Variants in SAMD3 observed in about 807,000 individuals in gnomAD.
The protein encoded by SAMD3 is sterile alpha motif domain-containing protein 3.
In SAMD3, 63 loss-of-function variants were observed where a neutral mutation model predicts 58.5. The observed-to-expected ratio is 1.08, with a 90% CI of 0.88 to 1.33. The LOEUF is 1.33. Ranked by LOEUF, SAMD3 falls within the 40% of genes most tolerant of loss-of-function variation. SAMD3 has a pLI of 0.00. For missense variants in SAMD3, 604 were observed against 608.4 expected (o/e 0.99, Z 0.08); for synonymous variants, 220 against 210.3 (o/e 1.05, Z -0.40).
intron 4 of SAMD3, among the ~76,000 whole-genome samples, chr6:130,213,848 CAT>C (rs1301192845): frequency 8.5e-5 from 13 of 152,218 alleles, no homozygotes; most frequent in South Asian, 2.1e-4. Flanking sequence ...TTAGAATACT[CAT>C]GTGACAATAA....
chr6:130,222,958 C>T (rs1479635744), upstream of SAMD3: 2 of 152,156 alleles, frequency 1.3e-5, no homozygotes, highest in African/African-American at 2.4e-5. Flanking sequence ...GACTGGGAGC[C>T]TCACAGTACA....
At chr6:130,213,747 T>G (rs550221065) in intron 4 of SAMD3, among the ~76,000 whole-genome samples, 34 of 152,272 alleles carry the variant, frequency 2.2e-4, no homozygotes, top group African/African-American at 7.7e-4. Context: ...GTCCCCAAAC[T>G]TCAGAGCTTT....
chr6:130,205,835 T>C (rs1795039218), intron 5 of SAMD3, among the ~76,000 whole-genome samples: 1 of 152,200 alleles, frequency 6.6e-6, no homozygotes, highest in Admixed American at 6.5e-5. Context: ...GCCTGGAATG[T>C]CACCAGAGGC....
intron 1 of SAMD3, among the ~76,000 whole-genome samples, chr6:130,360,454 A>G (rs1260102035): frequency 1.3e-5 from 2 of 152,196 alleles, no homozygotes; most frequent in South Asian, 2.1e-4. Flanking sequence ...ATGTCCCACA[A>G]GCCACAAAAC....
intron 1 of SAMD3, among the ~76,000 whole-genome samples, chr6:130,340,487 T>A (rs773218199): frequency 6.6e-6 from 1 of 152,194 alleles, no homozygotes; most frequent in Non-Finnish European, 1.5e-5. Flanking sequence ...GTCAGCTGAT[T>A]AGCAAACCTA....
At chr6:130,359,926 A>G (rs1329664684) in intron 1 of SAMD3, among the ~76,000 whole-genome samples, 1 of 152,212 alleles carries the variant, frequency 6.6e-6, no homozygotes, top group Non-Finnish European at 1.5e-5. Context: ...TGAGTGCTAA[A>G]TAAGTACTGA....
chr6:130,179,735 T>C (rs1206975457), intron 7 of SAMD3, among the ~76,000 whole-genome samples: 2 of 151,920 alleles, frequency 1.3e-5, no homozygotes, highest in African/African-American at 2.4e-5. Flanking sequence ...GGATTGTATA[T>C]GATATTATGC....
At chr6:130,355,400 G>A (rs925167638) in intron 1 of SAMD3, among the ~76,000 whole-genome samples, 3 of 152,106 alleles carry the variant, frequency 2.0e-5, no homozygotes, top group Non-Finnish European at 4.4e-5. Context: ...CTCCAGCCTA[G>A]GTGACAGAGT....
At chr6:130,266,078 C>G (rs1442339257) in intron 2 of SAMD3, among the ~76,000 whole-genome samples, 1 of 152,060 alleles carries the variant, frequency 6.6e-6, no homozygotes, top group African/African-American at 2.4e-5. Context: ...CCCCTTAATC[C>G]TCGCTAGAAA....
At chr6:130,164,116 CT>C (rs1439108480) in intron 8 of SAMD3, among the ~76,000 whole-genome samples, 1 of 150,724 alleles carries the variant, frequency 6.6e-6, no homozygotes, top group Non-Finnish European at 1.5e-5. Flanking sequence ...ACAAGTTAAC[CT>C]CTCTAAAGAA....
intron 1 of SAMD3, among the ~76,000 whole-genome samples, chr6:130,324,838 A>G (rs1014315134): frequency 6.6e-6 from 1 of 151,592 alleles, no homozygotes; most frequent in Non-Finnish European, 1.5e-5. Context: ...GCAATCGCCT[A>G]CTGGTCTGGG....
At chr6:130,211,495 G>T (rs932580146) in intron 4 of SAMD3, among the ~76,000 whole-genome samples, 10 of 151,868 alleles carry the variant, frequency 6.6e-5, no homozygotes, top group Non-Finnish European at 1.3e-4. Flanking sequence ...TGTTGGTCAG[G>T]CTGGTCTCAA....
intron 1 of SAMD3, among the ~76,000 whole-genome samples, chr6:130,340,851 T>C (rs1777246215): frequency 6.6e-6 from 1 of 152,230 alleles, no homozygotes; most frequent in South Asian, 2.1e-4. Flanking sequence ...TTATGATGAA[T>C]TTGAAGGTTT....
chr6:130,230,300 A>T (rs1484968080), intron 2 of SAMD3, among the ~76,000 whole-genome samples: 1 of 152,014 alleles, frequency 6.6e-6, no homozygotes, highest in African/African-American at 2.4e-5. Flanking sequence ...GGGCAGGGGG[A>T]CTTTTTTGTG....
chr6:130,308,411 T>TTCTTTCTATTCTATTCTAC, intron 2 of SAMD3, among the ~76,000 whole-genome samples: 1 of 125,898 alleles, frequency 7.9e-6, no homozygotes, highest in African/African-American at 3.9e-5. Flanking sequence ...TTCTATTCTA[T>TTCTTTCTATTCTATTCTAC]TCTATTCTAT....
intron 1 of SAMD3, among the ~76,000 whole-genome samples, chr6:130,341,694 T>C (rs1488136747): frequency 6.6e-6 from 1 of 152,174 alleles, no homozygotes; most frequent in African/African-American, 2.4e-5. Flanking sequence ...AGAGTGGGGC[T>C]GATGGCAGCA....
In SAMD3 at chr6:130,311,085, C is replaced by G. The variant is rs138768875; in HGVS notation, c.-188+1893G>C. Among the ~76,000 whole-genome samples the G allele has an allele frequency of 2.6e-4, 40 of 152,228 alleles. No individual in the cohort carries two copies. The East Asian group carries it at 6.2e-3, about 24-fold the overall frequency. On this transcript the variant is annotated intron_variant, in intron 2 of 13. Coordinates refer to the SAMD3 transcript ENST00000368134. ...GCTGAGCCAGGGCCCTGACAAAGAA[C>G]CACACATACCGTGCACCACCTCACC...
intron 4 of SAMD3, among the ~76,000 whole-genome samples, chr6:130,214,000 C>T (rs1364648716): frequency 3.3e-5 from 5 of 151,982 alleles, no homozygotes; most frequent in African/African-American, 4.8e-5. Flanking sequence ...GATGCCTTTC[C>T]CAAACCCTGA....
At chr6:130,308,398 C>CTATTCTATT (rs1562513082) in intron 2 of SAMD3, among the ~76,000 whole-genome samples, 7 of 145,538 alleles carry the variant, frequency 4.8e-5, no homozygotes, top group African/African-American at 1.9e-4. Flanking sequence ...CTATTCTATT[C>CTATTCTATT]TATTCTATTC....
Sources: allele counts gnomAD v4.1 joint callset (sites outside exome capture counted in the v4.1 genomes callset), GRCh38; gene constraint gnomAD v4.1.1; transcripts MANE v1.5; gene names NCBI Gene and HGNC (gene_info 2026-07-23, HGNC 2026-07-21).